PDE11A: variants seen among roughly 807,000 people sequenced by gnomAD.
PDE11A encodes dual 3',5'-cyclic-AMP and -GMP phosphodiesterase 11A.
A neutral mutation model predicts 100.5 loss-of-function variants in PDE11A; 100 were observed. The observed-to-expected ratio is 1.00, with a 90% CI of 0.85 to 1.18. PDE11A has a LOEUF of 1.18. Among genes scored for constraint, PDE11A ranks in the 50% most tolerant of loss-of-function variants. The pLI, the probability that PDE11A is intolerant of heterozygous loss-of-function variation, is 0.00. For synonymous variants in PDE11A, 381 were observed against 420.8 expected, an observed-to-expected ratio of 0.91 and a Z score of 1.16; for missense variants, 1,141 against 1,152.6, an observed-to-expected ratio of 0.99 and a Z score of 0.15.
intron 2 of PDE11A, chr2:177,997,198 T>C: frequency 7.9e-7 from 1 of 1,263,974 alleles, no homozygotes; most frequent in Middle Eastern, 1.9e-4. Context: ...TCTTATTCAG[T>C]AGAGTCTTCC....
At chr2:178,048,113 T>C (rs920523683) in intron 1 of PDE11A, among the ~76,000 whole-genome samples, 1 of 152,190 alleles carries the variant, frequency 6.6e-6, no homozygotes, top group Non-Finnish European at 1.5e-5. Flanking sequence ...GTTTCAATAA[T>C]CTGGGTGAAA....
intron 6 of PDE11A, among the ~76,000 whole-genome samples, chr2:177,825,254 G>T (rs1199652240): frequency 2.0e-5 from 3 of 152,168 alleles, no homozygotes; most frequent in Admixed American, 2.0e-4. Context: ...CTGGAGTCTT[G>T]TATGAGCTGA....
At chr2:177,821,335 T>C (rs1326173916) in intron 6 of PDE11A, among the ~76,000 whole-genome samples, 1 of 151,818 alleles carries the variant, frequency 6.6e-6, no homozygotes, top group African/African-American at 2.4e-5. Flanking sequence ...ATTGTAAGTA[T>C]ACAGCTTAAT....
At chr2:177,868,565 A>G (rs2084069779) in intron 5 of PDE11A, among the ~76,000 whole-genome samples, 1 of 152,252 alleles carries the variant, frequency 6.6e-6, no homozygotes. Context: ...AAACTATACA[A>G]GTTGATTATA....
chr2:177,757,688 A>G (rs1205042558), intron 10 of PDE11A, among the ~76,000 whole-genome samples: 1 of 151,990 alleles, frequency 6.6e-6, no homozygotes, highest in Non-Finnish European at 1.5e-5. Flanking sequence ...TGTGGATTTG[A>G]TTATAGTGAG....
chr2:177,678,537 C>G (rs59234264), intron 16 of PDE11A, among the ~76,000 whole-genome samples: 1 of 152,246 alleles, frequency 6.6e-6, no homozygotes, highest in African/African-American at 2.4e-5. Flanking sequence ...TTTAGAATTG[C>G]TGGCACATGG....
chr2:177,930,871 G>A (rs1309809944), intron 2 of PDE11A, among the ~76,000 whole-genome samples: 3 of 152,180 alleles, frequency 2.0e-5, no homozygotes, highest in African/African-American at 7.2e-5. Context: ...AAAGAGGATG[G>A]TAGAATGCTT....
chr2:177,708,199 T>C (rs1433253433), intron 13 of PDE11A, among the ~76,000 whole-genome samples: 3 of 150,574 alleles, frequency 2.0e-5, no homozygotes, highest in Admixed American at 6.7e-5. Context: ...CTATTCACAA[T>C]AGCAAAGACA....
intron 18 of PDE11A, 77 bp downstream of exon 18, chr2:177,669,416 C>T (rs2080639468): frequency 1.3e-5 from 10 of 776,650 alleles, no homozygotes; most frequent in Non-Finnish European, 2.1e-5. Flanking sequence ...TTTCCCATTT[C>T]CAACTTGTAA....
chr2:177,948,081 G>A (rs1038125794), intron 2 of PDE11A, among the ~76,000 whole-genome samples: 1 of 151,702 alleles, frequency 6.6e-6, no homozygotes, highest in African/African-American at 2.4e-5. Flanking sequence ...GTGCATGTGT[G>A]TATATGTATA....
chr2:177,895,209 A>G (rs887682424), intron 4 of PDE11A, among the ~76,000 whole-genome samples: 4 of 152,156 alleles, frequency 2.6e-5, no homozygotes, highest in African/African-American at 4.8e-5. Context: ...AACTTTCAAT[A>G]ATAAGTCTAC....
At chr2:177,704,452 G>T (rs1414029721) in intron 13 of PDE11A, among the ~76,000 whole-genome samples, 1 of 151,876 alleles carries the variant, frequency 6.6e-6, no homozygotes, top group Non-Finnish European at 1.5e-5. Flanking sequence ...GACTGCCAAA[G>T]CCCTCAGTGC....
chr2:177,831,551 A>G (rs2083308539), intron 6 of PDE11A, among the ~76,000 whole-genome samples: 1 of 152,210 alleles, frequency 6.6e-6, no homozygotes, highest in African/African-American at 2.4e-5. Flanking sequence ...CAAGCTTCCT[A>G]TGCTAGTCTG....
intron 2 of PDE11A, among the ~76,000 whole-genome samples, chr2:178,013,906 C>A (rs746269267): frequency 7.2e-5 from 11 of 152,054 alleles, no homozygotes; most frequent in Non-Finnish European, 1.3e-4. Context: ...GAAAACAATT[C>A]TTTGTTGTAG....
intron 15 of PDE11A, among the ~76,000 whole-genome samples, chr2:177,682,323 CA>C (rs750117468): frequency 7.2e-5 from 11 of 152,222 alleles, no homozygotes; most frequent in Non-Finnish European, 1.2e-4. Context: ...CTCCCTAAAA[CA>C]TATAAAACCA....
chr2:177,649,181 G>C (rs557454566), intron 19 of PDE11A, among the ~76,000 whole-genome samples: 2 of 151,986 alleles, frequency 1.3e-5, no homozygotes, highest in Non-Finnish European at 2.9e-5. Flanking sequence ...AATGTAAATT[G>C]GTTCAAACTC....
Position 177,771,478 on chromosome 2 carries a change from C to T in PDE11A, c.1738-2105G>A, listed in dbSNP as rs375500890. Among the ~76,000 whole-genome samples, 19 of 152,266 alleles carry T rather than the reference C, an allele frequency of 1.2e-4. No homozygotes were observed. In the East Asian group the frequency reaches 1.9e-3, roughly 15 times the overall value. On this transcript the variant is annotated intron_variant, in intron 9 of 19. Coordinates refer to ENST00000286063, the MANE Select transcript of PDE11A (RefSeq NM_016953.4). ...AGTCAGGCTGCCACGCCTCCACTTC[C>T]GAGCCCTGGGAGCTTGGGCAAGTGG... is the stretch of plus-strand genomic sequence containing the variant.
upstream of PDE11A, chr2:178,072,910 A>G (rs2087158360): frequency 3.0e-6 from 3 of 985,296 alleles, no homozygotes; most frequent in African/African-American, 3.5e-5. Context: ...CCAGGCTGCC[A>G]GGCGGTTCCT....
chr2:177,784,896 C>T (rs1316300663), intron 9 of PDE11A, among the ~76,000 whole-genome samples: 3 of 152,200 alleles, frequency 2.0e-5, no homozygotes, highest in Non-Finnish European at 4.4e-5. Flanking sequence ...CTTGTTCTCT[C>T]CCTATTTGCA....
Sources: allele counts gnomAD v4.1 joint callset (sites outside exome capture counted in the v4.1 genomes callset), GRCh38; gene constraint gnomAD v4.1.1; transcripts MANE v1.5; gene names NCBI Gene and HGNC (gene_info 2026-07-23, HGNC 2026-07-21).